COL6A5: variants seen among roughly 807,000 people sequenced by gnomAD.
COL6A5 encodes the protein collagen type VI alpha 5 chain.
COL6A5 carries 48 observed loss-of-function variants against 65.6 expected under a neutral mutation model. The ratio of observed to expected loss-of-function variants is 0.73; its 90% CI spans 0.58 to 0.93. The LOEUF is 0.93. COL6A5 is among the 40% of genes least tolerant of loss of function. The pLI is 0.00. For synonymous variants in COL6A5, 291 were observed against 322.8 expected (o/e 0.90, Z 1.05); for missense variants, 914 against 928.3 (o/e 0.98, Z 0.20).
chr3:130,439,662 T>C, intron 2 of COL6A5, 47 bp downstream of exon 34: 1 of 1,257,154 alleles, frequency 8.0e-7, no homozygotes, highest in South Asian at 1.3e-5. Context: ...CTTAAATGCC[T>C]TCTAGATGAG....
chr3:130,422,373 T>C (rs1227134381), intron 27 of COL6A5, among the ~76,000 whole-genome samples: 3 of 152,078 alleles, frequency 2.0e-5, no homozygotes, highest in Non-Finnish European at 4.4e-5. Context: ...ATAAATGTTT[T>C]ATGAATTTAT....
At chr3:130,363,784 G>A (rs1160672858) in intron 1 of COL6A5, among the ~76,000 whole-genome samples, 1 of 152,098 alleles carries the variant, frequency 6.6e-6, no homozygotes, top group Non-Finnish European at 1.5e-5. Flanking sequence ...TTAACTATTA[G>A]ACTTGTCCAC....
chr3:130,449,104 C>A (rs1325446599), intron 4 of COL6A5, among the ~76,000 whole-genome samples: 3 of 152,142 alleles, frequency 2.0e-5, no homozygotes, highest in African/African-American at 7.2e-5. Flanking sequence ...TGTTCAGAAA[C>A]CAATTGAGTT....
intron 1 of COL6A5, among the ~76,000 whole-genome samples, chr3:130,352,564 T>C (rs768793290): frequency 1.9e-4 from 29 of 152,174 alleles, no homozygotes; most frequent in Non-Finnish European, 3.1e-4. Flanking sequence ...TGGGTAGATG[T>C]ATTTATTATC....
intron 1 of COL6A5, among the ~76,000 whole-genome samples, chr3:130,352,233 C>A (rs563051179): frequency 6.6e-6 from 1 of 152,040 alleles, no homozygotes; most frequent in Admixed American, 6.5e-5. Flanking sequence ...ATACAGCAAA[C>A]CACCATGGCA....
intron 5 of COL6A5, among the ~76,000 whole-genome samples, chr3:130,462,279 T>A (rs911764556): frequency 6.6e-6 from 1 of 152,070 alleles, no homozygotes; most frequent in African/African-American, 2.4e-5. Flanking sequence ...CAGTGATAAG[T>A]GGAGAGGGGT....
At chr3:130,348,917 T>C (rs1934600771) in intron 1 of COL6A5, among the ~76,000 whole-genome samples, 1 of 152,246 alleles carries the variant, frequency 6.6e-6, no homozygotes, top group Admixed American at 6.5e-5. Flanking sequence ...ATATCTTCTT[T>C]TGAGAAGTGT....
At chr3:130,443,511 G>T in exon 4 of COL6A5, 1 of 1,611,536 alleles carries the variant, frequency 6.2e-7, no homozygotes, top group Non-Finnish European at 8.5e-7. Context: ...GATGCTTGAG[G>T]ATGCCTGTAG....
rs973942689 is a variant in COL6A5 at position 130,439,500 on chromosome 3, G to A, written c.488-22G>A. ...GACTAAAAACAATGAGCAAACATGC[G>A]TTCACTTCTTTTCCAATGCAGTTTG... On this transcript the variant is annotated intron_variant, in intron 1 of 7. Transcript: ENST00000512836. 9.2e-6 allele frequency: 14 copies of A among 1,529,658 alleles called. No individual in the cohort carries two copies. The African/African-American group carries it at 9.7e-5, about 11-fold the overall frequency. 94.8% of individuals were successfully genotyped at this position (1,529,658 alleles called of 1,614,324 possible). A position where few individuals can be genotyped will look rare whatever the true frequency, so the allele number is the denominator to read the frequency against.
chr3:130,405,763 C>T (rs1047301337), intron 14 of COL6A5, 104 bp downstream of exon 14: 1 of 1,023,378 alleles, frequency 9.8e-7, no homozygotes, highest in Non-Finnish European at 1.5e-6. Context: ...TCACTCCTCT[C>T]TCTTTTCCTT....
At chr3:130,447,528 G>A (rs1052625184) in intron 4 of COL6A5, among the ~76,000 whole-genome samples, 5 of 152,148 alleles carry the variant, frequency 3.3e-5, no homozygotes, top group African/African-American at 1.2e-4. Flanking sequence ...CGACTTTATG[G>A]TTACCGGCAG....
chr3:130,425,676 G>C (rs75625622), intron 29 of COL6A5, among the ~76,000 whole-genome samples: 3,627 of 152,236 alleles, frequency 0.024, 89 homozygotes, highest in South Asian at 0.085. Flanking sequence ...TAATGATTTA[G>C]TTACACTTCT....
At chr3:130,449,324 C>T (rs555392685) in intron 4 of COL6A5, among the ~76,000 whole-genome samples, 42 of 152,158 alleles carry the variant, frequency 2.8e-4, no homozygotes, top group African/African-American at 9.6e-4. Flanking sequence ...AGGAACAAAC[C>T]CCATGTTTTC....
intron 2 of COL6A5, 33 bp downstream of exon 34, chr3:130,439,648 AG>A (rs1709127345): frequency 3.4e-6 from 5 of 1,449,440 alleles, no homozygotes; most frequent in Middle Eastern, 1.7e-4. Context: ...ACTGTGCTGA[AG>A]AGCTTAAATG....
intron 17 of COL6A5, among the ~76,000 whole-genome samples, chr3:130,406,816 G>T (rs889144164): frequency 8.6e-5 from 13 of 152,032 alleles, no homozygotes; most frequent in Non-Finnish European, 1.6e-4. Context: ...CTACTTTTAT[G>T]TTCTGATCCA....
chr3:130,405,680 T>A, intron 14 of COL6A5, 21 bp downstream of exon 14: 1 of 1,510,532 alleles, frequency 6.6e-7, no homozygotes, highest in South Asian at 1.2e-5. Flanking sequence ...TCTGTAAATG[T>A]TATTTCCAAT....
chr3:130,388,874 C>T (rs1030012693), exon 6 of COL6A5: 1 of 1,551,102 alleles, frequency 6.4e-7, no homozygotes, highest in African/African-American at 1.4e-5. Context: ...CAATACTTCA[C>T]CCACTCCAAG....
intron 29 of COL6A5, 38 bp from the exon 30 acceptor site, chr3:130,426,176 G>T: frequency 1.9e-6 from 3 of 1,545,906 alleles, no homozygotes; most frequent in South Asian, 2.4e-5. Flanking sequence ...GACTTCAGTT[G>T]GCATACCACT....
chr3:130,452,671 C>G (rs751319592), intron 4 of COL6A5, among the ~76,000 whole-genome samples: 1 of 152,116 alleles, frequency 6.6e-6, no homozygotes, highest in Non-Finnish European at 1.5e-5. Context: ...AATGAAGTTT[C>G]GGGCACCATC....
Sources: gnomAD v4.1 joint callset for allele counts (sites outside exome capture counted in the v4.1 genomes callset) on GRCh38, gnomAD v4.1.1 for gene constraint, MANE v1.5 for transcripts, NCBI Gene and HGNC (gene_info 2026-07-23, HGNC 2026-07-21) for gene names.